P2RY12: variants seen among roughly 807,000 people sequenced by gnomAD.
P2RY12 encodes purinergic receptor P2Y12.
In P2RY12, 3 loss-of-function variants were observed where a neutral mutation model predicts 4.5. The ratio of observed to expected loss-of-function variants is 0.67; its 90% confidence interval spans 0.31 to 1.74. The LOEUF is 1.74. P2RY12 is among the 40% of genes most tolerant of loss of function. The pLI is 0.09. For synonymous variants in P2RY12, 148 were observed against 154.1 expected (o/e 0.96, Z 0.29); for missense variants, 356 against 407.8 (o/e 0.87, Z 1.09).
At chr3:151,360,608 G>C in intron 1 of P2RY12, 1 of 1,608,028 alleles carries the variant, frequency 6.2e-7, no homozygotes, top group Non-Finnish European at 8.5e-7. Flanking sequence ...CTCTTCAGGT[G>C]AGTAGAAGAG....
chr3:151,339,617 T>C (rs1042947335), intron 2 of P2RY12, among the ~76,000 whole-genome samples: 3 of 151,950 alleles, frequency 2.0e-5, no homozygotes, highest in South Asian at 2.1e-4. Flanking sequence ...TTCTTGAATA[T>C]CATTCAGTAT....
chr3:151,337,877 G>A lies in P2RY12; in HGVS notation c.969C>T (p.Ser323=). ...CCTGTTCTTTTTTCCTATTGTCCTG[G>A]GACAGAGATGTTGCAGAATTGGGGC... The part of the protein sequence containing the change: ...LKCPNSATSL[S]QDNRKKEQDG... Residue 323 remains serine (S), a synonymous_variant, in exon 3 of 3, where the codon TCC becomes TCT. Coordinates refer to ENST00000302632, the MANE Select transcript of P2RY12 (RefSeq NM_022788.5). 6.2e-7 allele frequency: 1 copy of A among 1,614,002 alleles called. No individual in the cohort carries two copies. The highest frequency in any genetic ancestry group is 8.5e-7 in the Non-Finnish European group (1 of 1,179,984).
chr3:151,356,671 C>T (rs1753963478), intron 1 of P2RY12, among the ~76,000 whole-genome samples: 1 of 150,784 alleles, frequency 6.6e-6, no homozygotes, highest in South Asian at 2.1e-4. Context: ...TTGTTATTTT[C>T]CTGAAGCAAA....
intron 1 of P2RY12, chr3:151,350,221 T>C (rs1377200718): frequency 1.2e-6 from 2 of 1,612,084 alleles, no homozygotes; most frequent in Non-Finnish European, 1.7e-6. Flanking sequence ...AGAACCTTAA[T>C]GCATTTGCTC....
chr3:151,379,884 G>C (rs966217518), intron 1 of P2RY12, among the ~76,000 whole-genome samples: 4 of 152,158 alleles, frequency 2.6e-5, no homozygotes, highest in African/African-American at 9.7e-5. Context: ...ATGGTTTGAT[G>C]CTAGTTTGAG....
chr3:151,368,629 TATTTCATTTCATTTC>T lies in P2RY12; in HGVS notation c.-180+16048_-180+16062del, dbSNP rs1159385723. On this transcript the variant is annotated intron_variant, in intron 1 of 2. Transcript: ENST00000302632. The stretch of plus-strand genomic sequence containing the variant: ...TATTTTATTTTATTTTATTTTATTT[TATTTCATTTCATTTC>T]ATTTCATTTCATTTCATTTCATTTC... Among the ~76,000 whole-genome samples the T allele has an allele frequency of 8.6e-3, 800 of 92,842 alleles. 21 individuals carry two copies. Among genetic ancestry groups the T allele is most frequent in the African/African-American group, 0.028 (666 of 23,996 alleles). 60.9% of individuals were successfully genotyped at this position (92,842 alleles called of 152,430 possible). A position where few individuals can be genotyped will look rare whatever the true frequency, so the allele number is the denominator to read the frequency against.
rs1017419525 is a variant in P2RY12, at chr3:151,338,487, A to G, written c.359T>C (p.Ile120Thr). 3 of 1,613,874 alleles carry G rather than the reference A, an allele frequency of 1.9e-6. No homozygotes were observed. The highest frequency in any genetic ancestry group is 1.7e-6 in the Non-Finnish European group (2 of 1,180,004). Reference protein sequence around the residue: ...ISISFLGLITIDRYQKTTRPF... With the variant: ...ISISFLGLITTDRYQKTTRPF... ...CCTGGTGGTCTTCTGGTAGCGATCGATAGTTATCAGTCCCAGGAATGAAAT... is the reference window on the plus strand; with the variant it reads ...CCTGGTGGTCTTCTGGTAGCGATCGGTAGTTATCAGTCCCAGGAATGAAAT... Residue 120 changes from isoleucine to threonine, a missense_variant, in exon 3 of 3, where the codon ATC (isoleucine) becomes ACC (threonine). Ile to Thr is a moderately conservative substitution (Grantham distance 89, BLOSUM62 -1). Coordinates refer to ENST00000302632, the MANE Select transcript of P2RY12 (RefSeq NM_022788.5).
chr3:151,339,308 G>C (rs575819034), intron 2 of P2RY12, among the ~76,000 whole-genome samples: 3 of 151,310 alleles, frequency 2.0e-5, no homozygotes, highest in Non-Finnish European at 4.4e-5. Context: ...CTGTAGTACC[G>C]TCAAAACAGT....
intron 1 of P2RY12, among the ~76,000 whole-genome samples, chr3:151,372,313 T>G (rs1037545217): frequency 2.0e-5 from 3 of 152,206 alleles, no homozygotes; most frequent in African/African-American, 7.2e-5. Context: ...TTTCCAAGTT[T>G]GGTGAAACTA....
chr3:151,343,112 G>T (rs867241411), intron 1 of P2RY12, among the ~76,000 whole-genome samples: 1 of 152,124 alleles, frequency 6.6e-6, no homozygotes, highest in Non-Finnish European at 1.5e-5. Flanking sequence ...GTAGTGAGAA[G>T]TGAATCTCGT....
intron 1 of P2RY12, chr3:151,383,962 T>A: frequency 6.7e-7 from 1 of 1,482,720 alleles, no homozygotes; most frequent in Non-Finnish European, 9.3e-7. Context: ...TGATGGCGAT[T>A]TCTGCCACAT....
chr3:151,350,288 G>A (rs1753060888), intron 1 of P2RY12: 1 of 1,389,918 alleles, frequency 7.2e-7, no homozygotes. Context: ...AGTGTTCTAT[G>A]TCACTGTCAA....
At chr3:151,357,101 G>A (rs1754026299) in intron 1 of P2RY12, 2 of 903,710 alleles carry the variant, frequency 2.2e-6, no homozygotes, top group Admixed American at 3.2e-5. Flanking sequence ...GTTAAATTTA[G>A]GGAATGTATT....
At chr3:151,344,297 C>T (rs1577385239) in intron 1 of P2RY12, among the ~76,000 whole-genome samples, 1 of 63,118 alleles carries the variant, frequency 1.6e-5, no homozygotes, top group East Asian at 4.2e-4. Flanking sequence ...TGTATAGTTA[C>T]TAATGATTAA....
chr3:151,363,921 A>G (rs1754950220), intron 1 of P2RY12, among the ~76,000 whole-genome samples: 2 of 152,170 alleles, frequency 1.3e-5, no homozygotes, highest in African/African-American at 4.8e-5. Flanking sequence ...GCAATAGTTT[A>G]GAATAGAGAG....
At chr3:151,342,513 A>C (rs6772253) in intron 1 of P2RY12, among the ~76,000 whole-genome samples, 147,646 of 152,330 alleles carry the variant, frequency 0.97, 71,589 homozygotes, top group Middle Eastern at 1. Flanking sequence ...CTGAGTGAAT[A>C]AAAAACTCTG....
intron 1 of P2RY12, among the ~76,000 whole-genome samples, chr3:151,344,589 ATGT>A (rs1752301972): frequency 6.6e-6 from 1 of 152,204 alleles, no homozygotes; most frequent in African/African-American, 2.4e-5. Flanking sequence ...ATAGGTTGCT[ATGT>A]GCAGTTTACT....
chr3:151,384,426 T>A (rs1258944567), intron 1 of P2RY12, among the ~76,000 whole-genome samples: 1 of 152,242 alleles, frequency 6.6e-6, no homozygotes, highest in Admixed American at 6.5e-5. Context: ...ACAATTACAT[T>A]ATAAAACATG....
At chr3:151,377,310 T>C in intron 1 of P2RY12, 1 of 699,728 alleles carries the variant, frequency 1.4e-6, no homozygotes, top group Non-Finnish European at 2.3e-6. Context: ...CAGGGATTAT[T>C]ATTAATAAGT....
Sources: allele counts gnomAD v4.1 joint callset (sites outside exome capture counted in the v4.1 genomes callset), GRCh38; gene constraint gnomAD v4.1.1; transcripts MANE v1.5; gene names NCBI Gene and HGNC (gene_info 2026-07-23, HGNC 2026-07-21).